The following POLR2B variants were observed in gnomAD, a reference collection of about 807,000 sequenced individuals.
POLR2B encodes DNA-directed RNA polymerase II subunit RPB2.
Under a neutral mutation model 144.6 loss-of-function variants are expected in POLR2B, and 57 were observed. That is an observed-to-expected ratio of 0.39 (90% confidence interval 0.32 to 0.49). The LOEUF is 0.49. Among genes scored for constraint, POLR2B ranks in the 20% least tolerant of loss-of-function variants. The probability of loss-of-function intolerance (pLI) is 0.83; values close to 1 mark genes in which losing one functional copy is unlikely to be tolerated. For missense variants in POLR2B, 595 were observed against 1,467.4 expected (o/e 0.41, Z 9.71); for synonymous variants, 442 against 469.8 (o/e 0.94, Z 0.77).
intron 16 of POLR2B, among the ~76,000 whole-genome samples, 178 bp from the exon 17 acceptor site, chr4:57,020,721 A>G (rs1354901756): frequency 6.6e-6 from 1 of 152,180 alleles, no homozygotes; most frequent in Non-Finnish European, 1.5e-5. Flanking sequence ...ATATTTAGCC[A>G]TCAGAGTAGT....
chr4:56,998,340 G>T (rs888350528), intron 6 of POLR2B, among the ~76,000 whole-genome samples: 2 of 151,858 alleles, frequency 1.3e-5, no homozygotes, highest in African/African-American at 4.8e-5. Flanking sequence ...TGGGATTACA[G>T]GCGTGTGCCA....
intron 1 of POLR2B, among the ~76,000 whole-genome samples, chr4:56,982,569 TCAAAAAA>T (rs1722188179): frequency 1.3e-5 from 2 of 151,332 alleles, no homozygotes; most frequent in African/African-American, 4.9e-5. Context: ...AGGCCCTGTC[TCAAAAAA>T]CAAAAAAGAG....
At chr4:57,024,811 G>A in intron 21 of POLR2B, 75 bp from the exon 22 acceptor site, 2 of 709,320 alleles carry the variant, frequency 2.8e-6, no homozygotes, top group Non-Finnish European at 4.8e-6. Flanking sequence ...TTTTTTGAAT[G>A]CATTTTTATT....
chr4:57,001,484 A>G (rs1449544311), intron 7 of POLR2B, among the ~76,000 whole-genome samples: 2 of 152,222 alleles, frequency 1.3e-5, no homozygotes. Flanking sequence ...TTTGTCTTTC[A>G]TAACAAAGTA....
intron 1 of POLR2B, among the ~76,000 whole-genome samples, chr4:56,982,193 A>G (rs1231162656): frequency 1.3e-5 from 2 of 151,474 alleles, no homozygotes; most frequent in African/African-American, 4.9e-5. Flanking sequence ...AACCTTGTCA[A>G]CTGCCCAAAC....
At position 57,017,036 on chromosome 4, in the gene POLR2B, T is replaced by G. The variant is rs772950948; in HGVS notation, c.1956-7T>G. On this transcript the variant is annotated splice_region_variant and splice_polypyrimidine_tract_variant and intron_variant, in intron 14 of 24. Coordinates refer to ENST00000314595, the MANE Select transcript of POLR2B (RefSeq NM_000938.3). The surrounding 1 kb of genome is among the most constrained non-coding windows in gnomAD (Gnocchi z 4.8). ...GGAAGTAGAAAATTGAGTGAATTCT[T>G]TTTTAGTTGGCAGGATCTTGTGGCC... The G allele has an allele frequency of 7.4e-5, 114 of 1,549,934 alleles. No homozygotes were observed. In the Admixed American group the frequency reaches 7.6e-4, roughly 10 times the overall value.
rs1723418478 is a variant in POLR2B, at chr4:57,017,819, C to A, written c.2323+91C>A. 1.3e-6 allele frequency: 1 copy of A among 782,940 alleles called. No individual in the cohort carries two copies. Among genetic ancestry groups the A allele is most frequent in the Non-Finnish European group, 2.0e-6 (1 of 492,822 alleles). 48.5% of individuals were successfully genotyped at this position (782,940 alleles called of 1,614,324 possible). A position where few individuals can be genotyped will look rare whatever the true frequency, so the allele number is the denominator to read the frequency against. On this transcript the variant is annotated intron_variant, in intron 16 of 24. Coordinates refer to ENST00000314595, the MANE Select transcript of POLR2B (RefSeq NM_000938.3). The surrounding 1 kb of genome is among the most constrained non-coding windows in gnomAD (Gnocchi z 4.8). ...TGGGAGGATTAAAAAATAAATATGACATAGTGCCTGTTCTCACGGAATTTA... is the reference window on the plus strand; with the variant it reads ...TGGGAGGATTAAAAAATAAATATGAAATAGTGCCTGTTCTCACGGAATTTA...
rs186469125 is a variant in POLR2B, at chr4:56,997,380, C to T, written c.735+1971C>T. Among the ~76,000 whole-genome samples the T allele has an allele frequency of 1.3e-4, 20 of 152,036 alleles. 1 individual carries two copies. The highest frequency in any genetic ancestry group is 9.8e-4 in the Admixed American group (15 of 15,262). The stretch of plus-strand genomic sequence containing the variant: ...CCAAGCGATTCTCGTACTTCAGCCT[C>T]CGAAGTAGTTAGATTATAGGCATGC... On this transcript the variant is annotated intron_variant, in intron 6 of 24. Transcript: ENST00000314595.
intron 5 of POLR2B, 119 bp downstream of exon 5, chr4:56,994,985 AGTT>A: frequency 1.4e-6 from 1 of 705,774 alleles, no homozygotes; most frequent in Non-Finnish European, 2.3e-6. Flanking sequence ...TGGCACTGAC[AGTT>A]GACTTGTTTA....
chr4:56,982,995 C>T (rs1043695015), intron 1 of POLR2B, among the ~76,000 whole-genome samples: 4 of 152,208 alleles, frequency 2.6e-5, no homozygotes, highest in Non-Finnish European at 5.9e-5. Context: ...TCTATCCCCT[C>T]CACCATCATT....
At position 57,026,114 on chromosome 4, in the gene POLR2B, T is replaced by G. The variant is rs183429669; in HGVS notation, c.3239+577T>G. Among the ~76,000 whole-genome samples, 3 of 152,208 alleles carry G rather than the reference T, an allele frequency of 2.0e-5. No individual in the cohort carries two copies. In the East Asian group the frequency reaches 5.8e-4, roughly 29 times the overall value. ...TTAGTCGGGCATGGTGGCACACACC[T>G]GTAATCCCAGCTACTCGGGAGGCTG... On this transcript the variant is annotated intron_variant, in intron 23 of 24. Coordinates refer to ENST00000314595, the MANE Select transcript of POLR2B (RefSeq NM_000938.3).
Position 57,023,115 on chromosome 4 carries a change from G to C in POLR2B, c.2516-215G>C. 2.0e-6 allele frequency: 1 copy of C among 500,662 alleles called. No individual in the cohort carries two copies. Among genetic ancestry groups the C allele is most frequent in the South Asian group, 3.1e-5 (1 of 32,106 alleles). The allele number at this position is 500,662 out of a possible 1,614,324, so 31.0% of individuals were successfully genotyped here. The stretch of plus-strand genomic sequence containing the variant: ...TGGAAGAATCTGCTTTCCCAGTGCT[G>C]ATTCCAATGTTCTTTTCCTTCATAG... On this transcript the variant is annotated intron_variant, in intron 18 of 24. Transcript: ENST00000314595. The surrounding 1 kb of genome is among the most constrained non-coding windows in gnomAD (Gnocchi z 4.3).
At chr4:56,984,863 C>G (rs185142970) in intron 1 of POLR2B, among the ~76,000 whole-genome samples, 207 of 147,834 alleles carry the variant, frequency 1.4e-3, no homozygotes, top group African/African-American at 4.6e-3. Flanking sequence ...CCAGTGCACA[C>G]TGATTTTTTT....
chr4:56,995,486 T>G, intron 6 of POLR2B, 77 bp downstream of exon 6: 1 of 1,049,754 alleles, frequency 9.5e-7, no homozygotes, highest in Non-Finnish European at 1.4e-6. Flanking sequence ...GCCTTCTTTG[T>G]CCATAGAAGC....
intron 5 of POLR2B, 27 bp from the exon 6 acceptor site, chr4:56,995,224 G>T: frequency 6.4e-7 from 1 of 1,561,288 alleles, no homozygotes; most frequent in South Asian, 1.2e-5. Flanking sequence ...GGATTTTATG[G>T]CTGTAACTTT....
chr4:57,023,230 A>G lies in POLR2B; in HGVS notation c.2516-100A>G. 9.2e-7 allele frequency: 1 copy of G among 1,083,734 alleles called. No homozygotes were observed. Among genetic ancestry groups the G allele is most frequent in the Non-Finnish European group, 1.4e-6 (1 of 730,180 alleles). 67.1% of individuals were successfully genotyped at this position (1,083,734 alleles called of 1,614,324 possible). A position where few individuals can be genotyped will look rare whatever the true frequency, so the allele number is the denominator to read the frequency against. On this transcript the variant is annotated intron_variant, in intron 18 of 24. Transcript: ENST00000314595. The surrounding 1 kb of genome is among the most constrained non-coding windows in gnomAD (Gnocchi z 4.3). ...AATAAGGGTGTGATTCATGGTATAG[A>G]GACTCCTGTGGCCTTCTCTCTGACT...
At position 57,014,706 on chromosome 4, in the gene POLR2B, G is replaced by A. The variant is rs184315969; in HGVS notation, c.1801-796G>A. Reference sequence around the variant, plus strand: ...TTTTTAGTAGAGATGGGGTTTCACCGTGTTAGCTAGGATGGTCTCGATCTC... The same window carrying A: ...TTTTTAGTAGAGATGGGGTTTCACCATGTTAGCTAGGATGGTCTCGATCTC... On this transcript the variant is annotated intron_variant, in intron 13 of 24. Transcript: ENST00000314595. Among the ~76,000 whole-genome samples, 32 of 148,018 alleles carry A rather than the reference G, an allele frequency of 2.2e-4. No homozygotes were observed. The East Asian group carries it at 5.3e-3, about 25-fold the overall frequency.
rs374102019 is a variant in POLR2B, at chr4:57,010,384, G to A, written c.1428G>A (p.Ala476=). The A allele has an allele frequency of 5.8e-5, 93 of 1,613,748 alleles. No individual in the cohort carries two copies. Among genetic ancestry groups the A allele is most frequent in the South Asian group, 5.4e-4 (49 of 91,014 alleles). Residue 476 remains alanine (A), a synonymous_variant, in exon 11 of 25, where the codon GCG becomes GCA. Coordinates refer to ENST00000314595, the MANE Select transcript of POLR2B (RefSeq NM_000938.3). ...VSQVLNRLTF[A]STLSHLRRLN... ...AGGTGTTAAACCGCCTGACTTTTGC[G>A]TCTACTCTTTCTCACCTGCGTCGTT...
intron 1 of POLR2B, chr4:56,985,205 A>T: frequency 4.2e-6 from 2 of 475,138 alleles, no homozygotes; most frequent in Non-Finnish European, 5.5e-6. Flanking sequence ...GCCTCAGAAT[A>T]GTGTATGTCT....
Sources: gnomAD v4.1 joint callset for allele counts (sites outside exome capture counted in the v4.1 genomes callset) on GRCh38, gnomAD v4.1.1 for gene constraint, Gnocchi (gnomAD v3.1) non-coding constraint, MANE v1.5 for transcripts, NCBI Gene and HGNC (gene_info 2026-07-23, HGNC 2026-07-21) for gene names.